The following SLC24A3 variants were observed in gnomAD, a reference collection of about 807,000 sequenced individuals.
The protein encoded by SLC24A3 is solute carrier family 24 member 3.
SLC24A3 carries 28 observed loss-of-function variants against 75.8 expected under a neutral mutation model. The observed-to-expected ratio is 0.37, with a 90% CI of 0.27 to 0.51. The LOEUF (loss-of-function observed/expected upper bound fraction) is 0.51. Ranked by LOEUF, SLC24A3 falls within the 20% of genes least tolerant of loss-of-function variation. The probability of loss-of-function intolerance (pLI) is 0.94; values close to 1 mark genes in which losing one functional copy is unlikely to be tolerated. For synonymous variants in SLC24A3, 372 were observed against 334.1 expected (o/e 1.11, Z -1.24); for missense variants, 663 against 847.8 (o/e 0.78, Z 2.71).
chr20:19,326,329 G>A (rs1281133831), intron 2 of SLC24A3, among the ~76,000 whole-genome samples: 3 of 152,066 alleles, frequency 2.0e-5, no homozygotes, highest in South Asian at 2.1e-4. Context: ...GGACAGGGAC[G>A]AGCTGTGGAT....
chr20:19,397,647 C>CTTTTTTTTT (rs3057518), intron 2 of SLC24A3, among the ~76,000 whole-genome samples: 2 of 117,104 alleles, frequency 1.7e-5, no homozygotes, highest in South Asian at 2.9e-4. Flanking sequence ...TTTTTCTTTT[C>CTTTTTTTTT]TTTTTTTTTT....
At chr20:19,720,381 C>T (rs962989051) in intron 16 of SLC24A3, among the ~76,000 whole-genome samples, 5 of 152,132 alleles carry the variant, frequency 3.3e-5, no homozygotes, top group Admixed American at 3.3e-4. Context: ...TGGCAAGAGC[C>T]GGGCGGAAAG....
At chr20:19,718,348 G>A (rs535624924) in intron 16 of SLC24A3, among the ~76,000 whole-genome samples, 23 of 152,278 alleles carry the variant, frequency 1.5e-4, no homozygotes, top group African/African-American at 4.8e-4. Context: ...AGTGCAAATC[G>A]ACATCATTCA....
At chr20:19,611,363 A>G (rs1330084512) in intron 6 of SLC24A3, among the ~76,000 whole-genome samples, 1 of 141,820 alleles carries the variant, frequency 7.1e-6, no homozygotes, top group Non-Finnish European at 1.6e-5. Context: ...AGTGGCTGTA[A>G]CCCGTTGAGA....
At chr20:19,524,146 A>G (rs2030154521) in intron 3 of SLC24A3, among the ~76,000 whole-genome samples, 1 of 151,944 alleles carries the variant, frequency 6.6e-6, no homozygotes, top group Non-Finnish European at 1.5e-5. Context: ...TTGGTAACAC[A>G]CCTTTATTAG....
chr20:19,325,823 G>T (rs1284728526), intron 2 of SLC24A3, among the ~76,000 whole-genome samples: 4 of 110,902 alleles, frequency 3.6e-5, no homozygotes, highest in African/African-American at 1.6e-4. Context: ...GAGAGAGAGA[G>T]AGAGAGAGAG....
Position 19,212,656 on chromosome 20 carries a change from G to T in SLC24A3, c.-187G>T. 1 of 227,626 alleles carries T rather than the reference G, an allele frequency of 4.4e-6. No homozygotes were observed. The highest frequency in any genetic ancestry group is 1.4e-4 in the South Asian group (1 of 7,128). The allele number at this position is 227,626 out of a possible 1,614,324, so 14.1% of individuals were successfully genotyped here. On this transcript the variant is annotated 5_prime_UTR_variant, in exon 1 of 17. It adds an upstream start codon to the 5' untranslated region. Transcript: ENST00000328041. ...AGGGACTGGGCGATAGCGACGAGGA[G>T]GGCGACGACGAGGAGACGGGCAGCG...
chr20:19,456,846 C>T (rs1305655369), intron 2 of SLC24A3, among the ~76,000 whole-genome samples: 1 of 152,168 alleles, frequency 6.6e-6, no homozygotes, highest in Non-Finnish European at 1.5e-5. Flanking sequence ...CAGTCACCAC[C>T]CTGGGCTTAT....
chr20:19,252,640 T>TGGTGGG (rs1555783947), intron 1 of SLC24A3, among the ~76,000 whole-genome samples: 1 of 99,520 alleles, frequency 1.0e-5, no homozygotes, highest in Admixed American at 1.1e-4. Flanking sequence ...GAAATTGGAA[T>TGGTGGG]GGCGGGGGGG....
chr20:19,295,012 T>C (rs932619807), intron 2 of SLC24A3, among the ~76,000 whole-genome samples: 7 of 152,230 alleles, frequency 4.6e-5, no homozygotes, highest in African/African-American at 1.4e-4. Context: ...TGGCTCGAGA[T>C]TGTATCTCAC....
At chr20:19,426,795 G>T (rs1987013681) in intron 2 of SLC24A3, among the ~76,000 whole-genome samples, 1 of 152,150 alleles carries the variant, frequency 6.6e-6, no homozygotes, top group African/African-American at 2.4e-5. Context: ...TGGGTCAGGA[G>T]GCTACTGCGG....
Position 19,672,287 on chromosome 20 carries a change from T to C in SLC24A3, c.714-1314T>C, listed in dbSNP as rs1001865952. Among the ~76,000 whole-genome samples, 5 of 152,306 alleles carry C rather than the reference T, an allele frequency of 3.3e-5. No individual in the cohort carries two copies. The South Asian group carries it at 1.0e-3, about 32-fold the overall frequency. On this transcript the variant is annotated intron_variant, in intron 8 of 16. Transcript: ENST00000328041. ...ATACCCTGATTTCCTCTCTCAATAGTGCATCTGAGCACTTTCTAGAATAAA... is the reference window on the plus strand; with the variant it reads ...ATACCCTGATTTCCTCTCTCAATAGCGCATCTGAGCACTTTCTAGAATAAA...
chr20:19,457,417 G>A (rs1987597708), intron 2 of SLC24A3, among the ~76,000 whole-genome samples: 1 of 152,268 alleles, frequency 6.6e-6, no homozygotes, highest in East Asian at 1.9e-4. Context: ...ATTATTTATA[G>A]TCTACTTACT....
At chr20:19,294,806 A>G (rs760754360) in intron 2 of SLC24A3, among the ~76,000 whole-genome samples, 1 of 152,148 alleles carries the variant, frequency 6.6e-6, no homozygotes, top group African/African-American at 2.4e-5. Context: ...ATACCTAGTA[A>G]TGGGATTGCT....
At chr20:19,285,375 G>C (rs1219401052) in intron 2 of SLC24A3, among the ~76,000 whole-genome samples, 1 of 150,384 alleles carries the variant, frequency 6.6e-6, no homozygotes, top group Non-Finnish European at 1.5e-5. Context: ...CTACTTGGGG[G>C]GCTGAGGTGG....
chr20:19,316,104 T>C (rs953050923), intron 2 of SLC24A3, among the ~76,000 whole-genome samples: 2 of 152,236 alleles, frequency 1.3e-5, no homozygotes, highest in African/African-American at 4.8e-5. Context: ...CAAAGCCTAT[T>C]GAACCACATA....
chr20:19,438,930 G>C (rs1227288862), intron 2 of SLC24A3, among the ~76,000 whole-genome samples: 1 of 152,246 alleles, frequency 6.6e-6, no homozygotes, highest in Non-Finnish European at 1.5e-5. Context: ...TCCTCAACTT[G>C]TGACTGCCTG....
At chr20:19,298,156 C>T (rs1984103958) in intron 2 of SLC24A3, among the ~76,000 whole-genome samples, 1 of 152,226 alleles carries the variant, frequency 6.6e-6, no homozygotes, top group African/African-American at 2.4e-5. Context: ...AAAACAATTC[C>T]TTCTTCAAGT....
chr20:19,677,931 G>A (rs1400919561), intron 9 of SLC24A3, among the ~76,000 whole-genome samples: 1 of 151,262 alleles, frequency 6.6e-6, no homozygotes, highest in Non-Finnish European at 1.5e-5. Context: ...CTGCCTTCAA[G>A]CATCTGTTTA....
Sources: allele counts gnomAD v4.1 joint callset (sites outside exome capture counted in the v4.1 genomes callset), GRCh38; gene constraint gnomAD v4.1.1; transcripts MANE v1.5; gene names NCBI Gene and HGNC (gene_info 2026-07-23, HGNC 2026-07-21).